The following KIT variants were observed in gnomAD, a reference collection of about 807,000 sequenced individuals.
KIT encodes the protein KIT proto-oncogene, receptor tyrosine kinase.
Under a neutral mutation model 105.7 loss-of-function variants are expected in KIT, and 16 were observed. The ratio of observed to expected loss-of-function variants is 0.15; its 90% confidence interval spans 0.10 to 0.23. The LOEUF (loss-of-function observed/expected upper bound fraction) is 0.23. KIT is among the 10% of genes least tolerant of loss of function. The probability of loss-of-function intolerance (pLI) is 1.00; values close to 1 mark genes in which losing one functional copy is unlikely to be tolerated. For synonymous variants in KIT, 438 were observed against 441.1 expected (o/e 0.99, Z 0.09); for missense variants, 858 against 1,213.8 (o/e 0.71, Z 4.36).
intron 4 of KIT, among the ~76,000 whole-genome samples, chr4:54,702,970 T>C (rs2109690271): frequency 6.6e-6 from 1 of 152,292 alleles, no homozygotes; most frequent in South Asian, 2.1e-4. Flanking sequence ...CAGAAAGCTA[T>C]ATTAGACTTT....
At chr4:54,724,204 C>T (rs574109856) in intron 8 of KIT, among the ~76,000 whole-genome samples, 1 of 152,338 alleles carries the variant, frequency 6.6e-6, no homozygotes, top group African/African-American at 2.4e-5. Context: ...ACATCTGGCA[C>T]TGTGCTGCTT....
rs1380365386 is a variant in KIT at position 54,731,404 on chromosome 4, A to G, written c.2218A>G (p.Arg740Gly). 1 of 1,612,056 alleles carries G rather than the reference A, an allele frequency of 6.2e-7. No individual in the cohort carries two copies. Among genetic ancestry groups the G allele is most frequent in the Non-Finnish European group, 8.5e-7 (1 of 1,178,338 alleles). ...TGTCCCAACCAAGGCCGACAAAAGG[A>G]GATCTGTGAGAATAGGTGAGTACCT... ...YVVPTKADKR[R>G]SVRIGSYIER... The change falls in exon 15 of 21, where the codon AGA becomes GGA. Residue 740 changes from arginine to glycine, a missense_variant. Coordinates refer to ENST00000288135, the MANE Select transcript of KIT (RefSeq NM_000222.3).
At chr4:54,733,286 C>A (rs2109802818) in intron 17 of KIT, 94 bp downstream of exon 17, 1 of 1,386,040 alleles carries the variant, frequency 7.2e-7, no homozygotes, top group Non-Finnish European at 1.0e-6. Context: ...TAATGTAAAT[C>A]CTGTCTAGGG....
At chr4:54,721,679 C>T (rs1423997414) in intron 7 of KIT, among the ~76,000 whole-genome samples, 1 of 152,178 alleles carries the variant, frequency 6.6e-6, no homozygotes, top group Non-Finnish European at 1.5e-5. Context: ...AGGTGAGGTG[C>T]TGAGAGGTTA....
intron 13 of KIT, among the ~76,000 whole-genome samples, chr4:54,728,606 G>T (rs192682071): frequency 9.1e-4 from 139 of 152,322 alleles, no homozygotes; most frequent in Non-Finnish European, 1.4e-3. Context: ...GGATGTCTGT[G>T]ATGTTTGCAG....
At chr4:54,690,819 T>C (rs1719658006) in intron 1 of KIT, among the ~76,000 whole-genome samples, 1 of 152,222 alleles carries the variant, frequency 6.6e-6, no homozygotes, top group African/African-American at 2.4e-5. Context: ...AAAAAAACTT[T>C]GTTTTTCAAA....
At chr4:54,708,427 C>G (rs911264345) in intron 6 of KIT, among the ~76,000 whole-genome samples, 3 of 151,974 alleles carry the variant, frequency 2.0e-5, no homozygotes, top group African/African-American at 7.3e-5. Context: ...TCAGATGACC[C>G]CAAGCCTCAG....
intron 8 of KIT, 148 bp downstream of exon 8, chr4:54,723,846 T>A: frequency 3.1e-6 from 2 of 651,684 alleles, no homozygotes; most frequent in Non-Finnish European, 5.4e-6. Context: ...TTAGAAGGGA[T>A]AATTGCTATA....
At chr4:54,727,129 G>A (rs1722271603) in intron 9 of KIT, 89 bp from the exon 10 acceptor site, 14 of 1,037,062 alleles carry the variant, frequency 1.3e-5, no homozygotes, top group Non-Finnish European at 2.0e-5. Context: ...GCTGTGAGTT[G>A]GGAGGTGGGG....
At chr4:54,698,178 A>G in intron 2 of KIT, 106 bp from the exon 3 acceptor site, 1 of 1,162,590 alleles carries the variant, frequency 8.6e-7, no homozygotes, top group South Asian at 1.3e-5. Flanking sequence ...AAAAGCAGCC[A>G]TTTGGGCCAC....
intron 6 of KIT, 25 bp from the exon 7 acceptor site, chr4:54,709,399 T>C: frequency 7.2e-7 from 1 of 1,397,060 alleles, no homozygotes; most frequent in Non-Finnish European, 1.0e-6. Context: ...CCACAGGTGA[T>C]TGACTAGTTG....
At chr4:54,706,455 A>G (rs1025819399) in intron 5 of KIT, among the ~76,000 whole-genome samples, 6 of 152,208 alleles carry the variant, frequency 3.9e-5, no homozygotes, top group East Asian at 1.9e-4. Context: ...TTATTTTACT[A>G]TATAGACTTT....
At position 54,672,314 on chromosome 4, in the gene KIT, T is replaced by TTCC. The variant is rs34098981; in HGVS notation, c.67+14234_67+14235insCCT. Among the ~76,000 whole-genome samples, 15 of 151,788 alleles carry TTCC rather than the reference T, an allele frequency of 9.9e-5. 1 individual carries two copies. The South Asian group carries it at 2.9e-3, about 29-fold the overall frequency. ...GATCATACTCAGTTTGATTTTTTTTTTAATGAGGGTACTGTGTAAGTGGTG... is the reference window on the plus strand; with the variant it reads ...GATCATACTCAGTTTGATTTTTTTTTTCCTAATGAGGGTACTGTGTAAGTGGTG... On this transcript the variant is annotated intron_variant, in intron 1 of 20. Coordinates refer to ENST00000288135, the MANE Select transcript of KIT (RefSeq NM_000222.3).
At position 54,736,544 on chromosome 4, in the gene KIT, G is replaced by A. The variant is rs147609111; in HGVS notation, c.2531G>A (p.Cys844Tyr). The stretch of plus-strand genomic sequence containing the variant: ...ATGGCACCTGAAAGCATTTTCAACT[G>A]TGTATACACGTTTGAAAGTGACGTC... ...KWMAPESIFN[C>Y]VYTFESDVWS... The change falls in exon 18 of 21, where the codon TGT becomes TAT. Residue 844 changes from cysteine (C) to tyrosine (Y), a missense_variant. Cys to Tyr is a radical substitution (Grantham distance 194). Coordinates refer to ENST00000288135, the MANE Select transcript of KIT (RefSeq NM_000222.3). 9 of 1,614,134 alleles carry A rather than the reference G, an allele frequency of 5.6e-6. No individual in the cohort carries two copies. Among genetic ancestry groups the A allele is most frequent in the Non-Finnish European group, 7.6e-6 (9 of 1,179,988 alleles).
intron 2 of KIT, among the ~76,000 whole-genome samples, chr4:54,697,683 G>A (rs1027121953): frequency 4.6e-5 from 7 of 152,192 alleles, no homozygotes; most frequent in African/African-American, 1.7e-4. Context: ...AGAGGAATAT[G>A]AATCAAGTGA....
At chr4:54,735,853 G>A (rs975958227) in intron 17 of KIT, among the ~76,000 whole-genome samples, 3 of 152,048 alleles carry the variant, frequency 2.0e-5, no homozygotes, top group African/African-American at 7.2e-5. Flanking sequence ...GAGTACCCGG[G>A]CAAGTCTTTC....
Position 54,699,717 on chromosome 4 carries a change from A to C in KIT, c.707A>C (p.Lys236Thr), listed in dbSNP as rs374957554. The C allele has an allele frequency of 9.3e-6, 15 of 1,613,912 alleles. No homozygotes were observed. Among genetic ancestry groups the C allele is most frequent in the Non-Finnish European group, 1.1e-5 (13 of 1,179,916 alleles). ...GEEFTVTCTI[K>T]DVSSSVYSTW... ...GAATTCACAGTGACGTGCACAATAA[A>C]AGATGTGTCTAGTTCTGTGTACTCA... The change falls in exon 4 of 21, where the codon AAA becomes ACA. Residue 236 changes from lysine to threonine, a missense_variant. By Grantham distance (78) the Lys-to-Thr change is moderately conservative (BLOSUM62 -1). Around this residue, in one of 7 missense-constraint regions of KIT, gnomAD observed 401 missense variants for 601.0 expected, o/e 0.67. Coordinates refer to ENST00000288135, the MANE Select transcript of KIT (RefSeq NM_000222.3).
At chr4:54,717,455 G>C (rs961703157) in intron 7 of KIT, among the ~76,000 whole-genome samples, 1 of 152,094 alleles carries the variant, frequency 6.6e-6, no homozygotes, top group Non-Finnish European at 1.5e-5. Context: ...CCGTTTGTGT[G>C]GTTTGGCCAT....
intron 2 of KIT, among the ~76,000 whole-genome samples, chr4:54,697,923 T>C (rs1013155869): frequency 1.3e-5 from 2 of 152,180 alleles, no homozygotes; most frequent in Non-Finnish European, 2.9e-5. Flanking sequence ...TCTGTTGGAC[T>C]TGGGTTTGAG....
Sources: gnomAD v4.1 joint callset for allele counts (sites outside exome capture counted in the v4.1 genomes callset) on GRCh38, gnomAD v4.1.1 for gene constraint, gnomAD v4.1.1 regional missense constraint, MANE v1.5 for transcripts, NCBI Gene and HGNC (gene_info 2026-07-23, HGNC 2026-07-21) for gene names.